ZNF541: variants seen among roughly 807,000 people sequenced by gnomAD.
ZNF541 encodes the protein zinc finger protein 541.
A neutral mutation model predicts 123.5 loss-of-function variants in ZNF541; 23 were observed. That is an observed-to-expected ratio of 0.19 (90% CI 0.13 to 0.26). The LOEUF (loss-of-function observed/expected upper bound fraction) is 0.26. Among genes scored for constraint, ZNF541 ranks in the 10% least tolerant of loss-of-function variants. ZNF541 has a pLI of 1.00. For synonymous variants in ZNF541, 751 were observed against 754.5 expected (o/e 1.00, Z 0.08); for missense variants, 1,612 against 1,789.9 (o/e 0.90, Z 1.79).
At chr19:47,526,730 C>A (rs1405792137) in intron 14 of ZNF541, among the ~76,000 whole-genome samples, 1 of 152,052 alleles carries the variant, frequency 6.6e-6, no homozygotes, top group Non-Finnish European at 1.5e-5. Context: ...TCTTTTCCTG[C>A]CGGTAGGAAT....
At chr19:47,566,461 T>C (rs1375281300) in intron 2 of ZNF541, among the ~76,000 whole-genome samples, 1 of 151,942 alleles carries the variant, frequency 6.6e-6, no homozygotes, top group East Asian at 1.9e-4. Flanking sequence ...AAAGAATAGA[T>C]GGGGCCAGGT....
At chr19:47,530,525 G>A (rs1378236117) in intron 12 of ZNF541, among the ~76,000 whole-genome samples, 1 of 152,016 alleles carries the variant, frequency 6.6e-6, no homozygotes, top group African/African-American at 2.4e-5. Flanking sequence ...AGCCCCCTGA[G>A]GGCAGGGATT....
Position 47,521,587 on chromosome 19 carries a change from C to T in ZNF541, c.3779G>A (p.Arg1260Lys). The T allele has an allele frequency of 6.4e-7, 1 of 1,551,660 alleles. No homozygotes were observed. Among genetic ancestry groups the T allele is most frequent in the Non-Finnish European group, 8.7e-7 (1 of 1,146,946 alleles). ...PTPKLKTKSY[R>K]RESILSSSPN... is the part of the protein sequence containing the mutation. The stretch of plus-strand genomic sequence containing the variant: ...GCTGGAGCTGAGGATGGACTCCCTC[C>T]TATAACTCTTGGTCTTTAACTTGGG... The change falls in exon 16 of 17, where the codon AGG becomes AAG. Residue 1260 changes from arginine (R) to lysine (K), a missense_variant. This residue lies in a region of ZNF541 where 285 missense variants were observed against 407.3 expected (regional missense o/e 0.70). Coordinates refer to ENST00000391901, the MANE Select transcript of ZNF541 (RefSeq NM_001277075.3). This position sits in a 1 kb window ranked among gnomAD's most constrained non-coding sequence, Gnocchi z 4.2.
At chr19:47,534,284 G>C (rs980960043) in intron 9 of ZNF541, among the ~76,000 whole-genome samples, 1 of 152,098 alleles carries the variant, frequency 6.6e-6, no homozygotes, top group Non-Finnish European at 1.5e-5. Flanking sequence ...GAGAAATGTG[G>C]GATACCATTA....
intron 14 of ZNF541, among the ~76,000 whole-genome samples, chr19:47,522,929 A>G (rs1969107077): frequency 6.6e-6 from 1 of 151,320 alleles, no homozygotes; most frequent in Admixed American, 6.6e-5. Flanking sequence ...GTATCTTTGT[A>G]GAGACAGGGT....
intron 4 of ZNF541, among the ~76,000 whole-genome samples, chr19:47,547,678 G>A (rs368137006): frequency 2.0e-5 from 3 of 152,150 alleles, no homozygotes; most frequent in East Asian, 3.8e-4. Flanking sequence ...CCTTGTGAAA[G>A]GGAGGAGCCC....
intron 14 of ZNF541, among the ~76,000 whole-genome samples, chr19:47,525,121 C>T (rs921467586): frequency 1.3e-5 from 2 of 151,892 alleles, no homozygotes; most frequent in South Asian, 4.2e-4. Flanking sequence ...CCTGTCTCTA[C>T]TAAAAATACA....
Position 47,544,210 on chromosome 19 carries a change from G to A in ZNF541, c.2319C>T (p.Ser773=), listed in dbSNP as rs1440933553. 2 of 1,551,518 alleles carry A rather than the reference G, an allele frequency of 1.3e-6. No homozygotes were observed. The highest frequency in any genetic ancestry group is 2.4e-5 in the South Asian group (2 of 84,060). ...ATGAGAAGGAGGCCATGGCTACCTG[G>A]CTCGGAGAAGCCGCACAGCACATAT... ...KMDMCCAASP[S]QVAMASFSSA... is the part of the protein sequence containing the mutation. The change falls in exon 5 of 17, where the codon AGC becomes AGT. Residue 773 remains serine (S), a synonymous_variant. Transcript: ENST00000391901.
At position 47,521,908 on chromosome 19, in the gene ZNF541, C is replaced by T. The variant is rs189947410; in HGVS notation, c.3657G>A (p.Gly1219=). The T allele has an allele frequency of 5.8e-6, 9 of 1,551,918 alleles. No individual in the cohort carries two copies. The East Asian group carries it at 2.0e-4, about 34-fold the overall frequency. Residue 1219 remains glycine, a synonymous_variant, in exon 15 of 17, where the codon GGG becomes GGA. Transcript: ENST00000391901. This position sits in a 1 kb window ranked among gnomAD's most constrained non-coding sequence, Gnocchi z 4.2. ...GCTCTCTCTTGACCCTCTTTTCTAG[C>T]CCTGGGGCTCGGCCACAGTCAAACT... The part of the protein sequence containing the change: ...MIKFDCGRAP[G]LEKRVKREPE...
At chr19:47,551,053 A>AT (rs1970578313) in intron 3 of ZNF541, among the ~76,000 whole-genome samples, 1 of 143,394 alleles carries the variant, frequency 7.0e-6, no homozygotes, top group Non-Finnish European at 1.5e-5. Flanking sequence ...TTTTTTTTTT[A>AT]ATTTTTTTTT....
At chr19:47,549,137 C>G in intron 4 of ZNF541, 108 bp downstream of exon 4, 1 of 1,465,796 alleles carries the variant, frequency 6.8e-7, no homozygotes, top group South Asian at 1.3e-5. Context: ...GAAAACCCAA[C>G]AGAGGACGAG....
In ZNF541 at chr19:47,545,127, G is replaced by T; in HGVS notation, c.1402C>A (p.Leu468Met). The T allele has an allele frequency of 6.7e-7, 1 of 1,482,474 alleles. No homozygotes were observed. Among genetic ancestry groups the T allele is most frequent in the Non-Finnish European group, 8.9e-7 (1 of 1,117,794 alleles). 91.8% of individuals were successfully genotyped at this position (1,482,474 alleles called of 1,614,324 possible). ...GCAGGGAAGGGCAGAGCATCCTCCA[G>T]GCCACCGCCGGGGCCGGGCGGGGAC... The part of the protein sequence containing the change: ...EESPPGPGGG[L>M]EDALPFPAAL... The change falls in exon 5 of 17, where the codon CTG (leucine) becomes ATG (methionine). Residue 468 changes from leucine (L) to methionine (M), a missense_variant. Coordinates refer to ENST00000391901, the MANE Select transcript of ZNF541 (RefSeq NM_001277075.3). The surrounding 1 kb of genome is among the most constrained non-coding windows in gnomAD (Gnocchi z 7.5).
chr19:47,557,704 T>C (rs545934757), intron 2 of ZNF541, among the ~76,000 whole-genome samples: 50 of 152,026 alleles, frequency 3.3e-4, no homozygotes, highest in Non-Finnish European at 6.6e-4. Flanking sequence ...CCAGGTGTGG[T>C]GGCGTCTATC....
In ZNF541 at chr19:47,521,738, T is replaced by C. The variant is rs1969040797; in HGVS notation, c.3712-84A>G. The C allele has an allele frequency of 6.6e-7, 1 of 1,520,918 alleles. No individual in the cohort carries two copies. The highest frequency in any genetic ancestry group is 8.9e-7 in the Non-Finnish European group (1 of 1,128,992). The allele number at this position is 1,520,918 out of a possible 1,614,324, so 94.2% of individuals were successfully genotyped here. On this transcript the variant is annotated intron_variant, in intron 15 of 16. Coordinates refer to ENST00000391901, the MANE Select transcript of ZNF541 (RefSeq NM_001277075.3). The surrounding 1 kb of genome is among the most constrained non-coding windows in gnomAD (Gnocchi z 4.2). ...CAGAGCTGGGGGCATACGTGTCTCC[T>C]GCAGGAAAACCCTTCCATCAGGAGC... is the stretch of plus-strand genomic sequence containing the variant.
At chr19:47,549,884 G>T (rs1265850296) in intron 3 of ZNF541, among the ~76,000 whole-genome samples, 2 of 152,160 alleles carry the variant, frequency 1.3e-5, no homozygotes, top group Non-Finnish European at 2.9e-5. Flanking sequence ...GGAAATAAAT[G>T]TAGCTTTGTA....
chr19:47,559,396 A>G (rs1409858201), intron 2 of ZNF541, among the ~76,000 whole-genome samples: 1 of 151,728 alleles, frequency 6.6e-6, no homozygotes, highest in African/African-American at 2.4e-5. Context: ...AAGAAAAGAA[A>G]GAAAGAAGGA....
intron 9 of ZNF541, 145 bp downstream of exon 9, chr19:47,537,997 G>A: frequency 7.4e-6 from 7 of 947,688 alleles, no homozygotes; most frequent in Non-Finnish European, 9.4e-6. Context: ...CAGTCCTGGG[G>A]CACATCTGAA....
intron 2 of ZNF541, among the ~76,000 whole-genome samples, chr19:47,562,373 AT>A (rs1284657486): frequency 5.9e-5 from 9 of 151,860 alleles, no homozygotes; most frequent in African/African-American, 2.2e-4. Flanking sequence ...GTGAAACGCC[AT>A]CTCTACTAAA....
chr19:47,564,839 A>C (rs2974199), intron 2 of ZNF541, among the ~76,000 whole-genome samples: 51,391 of 152,024 alleles, frequency 0.34, 12,402 homozygotes, highest in African/African-American at 0.68. Flanking sequence ...AGTCATTATA[A>C]GAAAAAGATA....
Sources: allele counts gnomAD v4.1 joint callset (sites outside exome capture counted in the v4.1 genomes callset), GRCh38; gene constraint gnomAD v4.1.1; regional missense constraint gnomAD v4.1.1; non-coding constraint Gnocchi (gnomAD v3.1); transcripts MANE v1.5; gene names NCBI Gene and HGNC (gene_info 2026-07-23, HGNC 2026-07-21).